IFT81: variants seen among roughly 807,000 people sequenced by gnomAD.
IFT81 encodes the protein intraflagellar transport protein 81 homolog.
In IFT81, 72 loss-of-function variants were observed where a neutral mutation model predicts 102.6. That is an observed-to-expected ratio of 0.70 (90% confidence interval 0.58 to 0.85). The LOEUF is 0.85. Ranked by LOEUF, IFT81 falls within the 40% of genes least tolerant of loss-of-function variation. The pLI, the probability that IFT81 is intolerant of heterozygous loss-of-function variation, is 0.00. For missense variants in IFT81, 723 were observed against 787.3 expected, an observed-to-expected ratio of 0.92 and a Z score of 0.98; for synonymous variants, 237 against 242.7, an observed-to-expected ratio of 0.98 and a Z score of 0.22.
chr12:110,181,057 C>T (rs983517945), intron 12 of IFT81, among the ~76,000 whole-genome samples: 1 of 151,934 alleles, frequency 6.6e-6, no homozygotes, highest in Non-Finnish European at 1.5e-5. Context: ...AAGTTGTTCT[C>T]ATTGTGGATG....
intron 12 of IFT81, among the ~76,000 whole-genome samples, chr12:110,186,631 A>C (rs1019909511): frequency 1.3e-5 from 2 of 151,654 alleles, no homozygotes; most frequent in African/African-American, 4.9e-5. Flanking sequence ...CTCCCACCTC[A>C]GCCTCCTAAG....
At chr12:110,162,697 T>A (rs960957708) in intron 10 of IFT81, among the ~76,000 whole-genome samples, 2 of 152,150 alleles carry the variant, frequency 1.3e-5, no homozygotes, top group Non-Finnish European at 2.9e-5. Flanking sequence ...TTTCAGAGCT[T>A]TGTCTTCCAA....
intron 10 of IFT81, among the ~76,000 whole-genome samples, chr12:110,159,120 A>G (rs902575657): frequency 1.3e-5 from 2 of 152,110 alleles, no homozygotes; most frequent in Non-Finnish European, 2.9e-5. Context: ...GTTTTTTGTT[A>G]TAGTTTTTGT....
chr12:110,188,337 A>C (rs924259227), intron 12 of IFT81, among the ~76,000 whole-genome samples: 1 of 151,288 alleles, frequency 6.6e-6, no homozygotes, highest in Admixed American at 6.6e-5. Context: ...GTCTCAAAAA[A>C]AAAAAATTAA....
chr12:110,198,923 C>A (rs1898136835), intron 14 of IFT81, among the ~76,000 whole-genome samples: 1 of 151,886 alleles, frequency 6.6e-6, no homozygotes, highest in Admixed American at 6.6e-5. Flanking sequence ...CATTCTTCTG[C>A]CTCAGCTTCT....
chr12:110,165,659 C>A (rs1357057490), intron 11 of IFT81, among the ~76,000 whole-genome samples: 1 of 152,122 alleles, frequency 6.6e-6, no homozygotes, highest in African/African-American at 2.4e-5. Flanking sequence ...GTGTTGTTAC[C>A]ATTTCCCTGT....
chr12:110,203,130 G>T (rs1327055383), intron 14 of IFT81, among the ~76,000 whole-genome samples: 16 of 152,222 alleles, frequency 1.1e-4, no homozygotes, highest in Non-Finnish European at 7.4e-5. Flanking sequence ...GCCAGGCATG[G>T]TGGCACATGC....
intron 9 of IFT81, among the ~76,000 whole-genome samples, chr12:110,144,604 G>A (rs1033263297): frequency 4.6e-5 from 7 of 151,666 alleles, no homozygotes; most frequent in African/African-American, 4.8e-5. Context: ...TCTGCCTCCC[G>A]GGTTCAAGCC....
rs112335709 is a variant in IFT81 at position 110,135,064 on chromosome 12, G to A, written c.585+51G>A. 4.6e-4 allele frequency: 621 copies of A among 1,353,896 alleles called. 10 individuals carry two copies. In the African/African-American group the frequency reaches 7.6e-3, roughly 17 times the overall value. The allele number at this position is 1,353,896 out of a possible 1,614,324, so 83.9% of individuals were successfully genotyped here. ...CTTTGGCCCCAAGTCCCAAGGACTTGCAAAGATTTAGGAATGCAAATAAAG... is the reference window on the plus strand; with the variant it reads ...CTTTGGCCCCAAGTCCCAAGGACTTACAAAGATTTAGGAATGCAAATAAAG... On this transcript the variant is annotated intron_variant, in intron 6 of 18. Coordinates refer to ENST00000242591, the MANE Select transcript of IFT81 (RefSeq NM_014055.4).
intron 11 of IFT81, among the ~76,000 whole-genome samples, chr12:110,173,854 G>C (rs1896904802): frequency 6.6e-6 from 1 of 151,318 alleles, no homozygotes; most frequent in Non-Finnish European, 1.5e-5. Context: ...CTCTGCCTAG[G>C]AAAACCAGAG....
At chr12:110,204,853 T>C (rs1468843135) in intron 15 of IFT81, 1 of 152,450 alleles carries the variant, frequency 6.6e-6, no homozygotes, top group Non-Finnish European at 1.5e-5. Flanking sequence ...TGGTTTCTTC[T>C]ACTTCAGTGA....
At chr12:110,160,129 G>A (rs1566129718) in intron 10 of IFT81, among the ~76,000 whole-genome samples, 1 of 152,112 alleles carries the variant, frequency 6.6e-6, no homozygotes, top group African/African-American at 2.4e-5. Flanking sequence ...ATTAGTCAGG[G>A]TTATCCTAAT....
intron 12 of IFT81, among the ~76,000 whole-genome samples, chr12:110,190,673 C>T (rs1448494572): frequency 1.3e-5 from 2 of 152,038 alleles, no homozygotes; most frequent in Admixed American, 6.5e-5. Context: ...GTGCTGAGTA[C>T]ATAACATTAT....
chr12:110,144,475 A>C (rs1161251725), intron 9 of IFT81, among the ~76,000 whole-genome samples: 2 of 151,608 alleles, frequency 1.3e-5, no homozygotes, highest in Admixed American at 6.6e-5. Flanking sequence ...TCAGCCTCCC[A>C]AAGTGCTGGG....
At chr12:110,186,060 G>C (rs995883991) in intron 12 of IFT81, among the ~76,000 whole-genome samples, 1 of 152,054 alleles carries the variant, frequency 6.6e-6, no homozygotes, top group Non-Finnish European at 1.5e-5. Context: ...GTTCAGGTCT[G>C]CTTAAATCTT....
intron 18 of IFT81, among the ~76,000 whole-genome samples, chr12:110,210,869 G>A (rs1163747492): frequency 2.0e-5 from 3 of 146,664 alleles, no homozygotes; most frequent in Non-Finnish European, 3.0e-5. Flanking sequence ...TTTTTTTTTC[G>A]AGACAGAGTC....
chr12:110,202,340 C>A (rs1275172243), intron 14 of IFT81, among the ~76,000 whole-genome samples: 1 of 152,088 alleles, frequency 6.6e-6, no homozygotes, highest in Non-Finnish European at 1.5e-5. Flanking sequence ...TTATCCCATT[C>A]AAAATACTAC....
At chr12:110,172,597 C>T (rs975100440) in intron 11 of IFT81, among the ~76,000 whole-genome samples, 2 of 152,140 alleles carry the variant, frequency 1.3e-5, no homozygotes, top group Non-Finnish European at 2.9e-5. Context: ...CTGTGTTGGC[C>T]GGGCTGGTCT....
chr12:110,208,189 A>G (rs1439204059), intron 17 of IFT81, among the ~76,000 whole-genome samples: 1 of 152,192 alleles, frequency 6.6e-6, no homozygotes, highest in Non-Finnish European at 1.5e-5. Flanking sequence ...ACACGTATAC[A>G]TACATATGTA....
Sources: gnomAD v4.1 joint callset for allele counts (sites outside exome capture counted in the v4.1 genomes callset) on GRCh38, gnomAD v4.1.1 for gene constraint, MANE v1.5 for transcripts, NCBI Gene and HGNC (gene_info 2026-07-23, HGNC 2026-07-21) for gene names.